Variants in WDR47 observed in about 807,000 individuals in gnomAD.
The protein encoded by WDR47 is WD repeat-containing protein 47.
In WDR47, 32 loss-of-function variants were observed where a neutral mutation model predicts 97.2. The ratio of observed to expected loss-of-function variants is 0.33; its 90% CI spans 0.25 to 0.44. The LOEUF is 0.44. Among genes scored for constraint, WDR47 ranks in the 20% least tolerant of loss-of-function variants. WDR47 has a pLI of 1.00. For missense variants in WDR47, 782 were observed against 1,102.3 expected (o/e 0.71, Z 4.11); for synonymous variants, 375 against 373.5 (o/e 1.00, Z -0.05).
chr1:108,994,561 T>C (rs1348818214), intron 8 of WDR47, among the ~76,000 whole-genome samples: 1 of 151,816 alleles, frequency 6.6e-6, no homozygotes, highest in African/African-American at 2.4e-5. Flanking sequence ...CTAGGCAACA[T>C]AGTGAGATCC....
chr1:108,985,909 C>T (rs1658753809), intron 10 of WDR47, among the ~76,000 whole-genome samples: 1 of 151,216 alleles, frequency 6.6e-6, no homozygotes, highest in Non-Finnish European at 1.5e-5. Flanking sequence ...ATTATATTCC[C>T]TTTCCCAATC....
In WDR47 at chr1:108,995,669, A is replaced by T. The variant is rs757207807; in HGVS notation, c.1602T>A (p.Asp534Glu). The change falls in exon 8 of 15, where the codon GAT (aspartate) becomes GAA (glutamate). Residue 534 changes from aspartate to glutamate, a missense_variant. Physicochemically the swap from Asp to Glu is conservative, Grantham distance 45. Transcript: ENST00000369962. Reference protein sequence around the residue: ...PQDSSQRLTHDASNIHTSTPR... With the variant: ...PQDSSQRLTHEASNIHTSTPR... Reference sequence around the variant, plus strand: ...GAGTGCTTGTATGAATATTTGAAGCATCATGTGTTAATCTCTGACTAGAGT... The same window carrying T: ...GAGTGCTTGTATGAATATTTGAAGCTTCATGTGTTAATCTCTGACTAGAGT... 3.1e-6 allele frequency: 5 copies of T among 1,614,160 alleles called. No individual in the cohort carries two copies. In the East Asian group the frequency reaches 1.1e-4, roughly 36 times the overall value.
chr1:108,983,157 T>C (rs1209020722), intron 11 of WDR47, 125 bp downstream of exon 11: 5 of 1,025,654 alleles, frequency 4.9e-6, no homozygotes, highest in African/African-American at 1.7e-5. Context: ...ATTAGAATTA[T>C]TGAAAAAATT....
chr1:109,021,226 C>T (rs1661814656), intron 2 of WDR47, among the ~76,000 whole-genome samples: 1 of 151,946 alleles, frequency 6.6e-6, no homozygotes, highest in Admixed American at 6.6e-5. Context: ...GGAAATAATC[C>T]AATATATAGA....
At chr1:109,039,000 A>G (rs898013196) in intron 1 of WDR47, among the ~76,000 whole-genome samples, 1 of 151,948 alleles carries the variant, frequency 6.6e-6, no homozygotes, top group Non-Finnish European at 1.5e-5. Flanking sequence ...ATAATAATAA[A>G]TAAATAAATA....
Position 109,013,870 on chromosome 1 carries a change from CGTT to C in WDR47, c.295_297del (p.Asn99del). 6.2e-7 allele frequency: 1 copy of C among 1,613,478 alleles called. No individual in the cohort carries two copies. On this transcript the variant is annotated inframe_deletion, in exon 4 of 15. Transcript: ENST00000369962. ...TGGGGCTCATCTTCTGCTGACATCG[CGTT>C]GTTAACACATAAAGCTTCTAAAAAC...
At chr1:108,997,792 A>AGGAAAGG (rs1659877357) in intron 7 of WDR47, among the ~76,000 whole-genome samples, 1 of 150,514 alleles carries the variant, frequency 6.6e-6, no homozygotes, top group South Asian at 2.1e-4. Context: ...AAGGAAGGAA[A>AGGAAAGG]GGAAAGGGGA....
At chr1:108,985,891 T>C (rs1658751989) in intron 10 of WDR47, among the ~76,000 whole-genome samples, 1 of 151,608 alleles carries the variant, frequency 6.6e-6, no homozygotes, top group African/African-American at 2.4e-5. Context: ...TCAATTAACA[T>C]GGACCTTATT....
intron 10 of WDR47, among the ~76,000 whole-genome samples, chr1:108,983,839 A>G (rs1658548251): frequency 6.6e-6 from 1 of 152,214 alleles, no homozygotes; most frequent in African/African-American, 2.4e-5. Flanking sequence ...CATAATAAAC[A>G]TGTAATAAAC....
chr1:109,004,641 G>T lies in WDR47; in HGVS notation c.1205C>A (p.Pro402His), dbSNP rs748563049. Residue 402 changes from proline (P) to histidine (H), a missense_variant, in exon 6 of 15, where the codon CCT (proline) becomes CAT (histidine). Pro to His is a moderately conservative substitution (Grantham distance 77). Transcript: ENST00000369962. ...TCCTGGATTCTGTGCTCCATTTGCAGGCTCTTTTTCTGAAACTGAACTCTG... is the reference window on the plus strand; with the variant it reads ...TCCTGGATTCTGTGCTCCATTTGCATGCTCTTTTTCTGAAACTGAACTCTG... The part of the protein sequence containing the change: ...LGQSSVSEKE[P>H]ANGAQNPGPA... 1.9e-6 allele frequency: 3 copies of T among 1,613,460 alleles called. No homozygotes were observed. The highest frequency in any genetic ancestry group is 2.5e-6 in the Non-Finnish European group (3 of 1,179,778).
At chr1:109,031,795 CTTTTTTTT>C (rs56318868) in intron 1 of WDR47, among the ~76,000 whole-genome samples, 1 of 78,370 alleles carries the variant, frequency 1.3e-5, no homozygotes, top group Non-Finnish European at 2.7e-5. Context: ...ATCTTTCTTT[CTTTTTTTT>C]TTTTTTTTTT....
intron 4 of WDR47, among the ~76,000 whole-genome samples, chr1:109,012,177 A>G (rs1010638346): frequency 6.6e-6 from 1 of 152,130 alleles, no homozygotes; most frequent in African/African-American, 2.4e-5. Flanking sequence ...AAGCATGCCA[A>G]TGTTCAATTG....
At position 108,992,734 on chromosome 1, in the gene WDR47, G is replaced by A. The variant is rs913172074; in HGVS notation, c.1692-1405C>T. The A allele has an allele frequency of 9.7e-4, 1,540 of 1,593,166 alleles. 2 individuals are homozygous for A. The highest frequency in any genetic ancestry group is 1.2e-3 in the Non-Finnish European group (1,430 of 1,176,474). On this transcript the variant is annotated intron_variant, in intron 8 of 14. Transcript: ENST00000369962. The stretch of plus-strand genomic sequence containing the variant: ...CCTGCCACATTGAGATGATCCTTAC[G>A]GAAAAGGAACAGATTGTTCCTAAAC...
intron 5 of WDR47, among the ~76,000 whole-genome samples, chr1:109,007,204 C>T (rs916629611): frequency 2.2e-5 from 3 of 134,818 alleles, no homozygotes; most frequent in African/African-American, 5.5e-5. Context: ...GCCTGAAATA[C>T]ATTTTAAATG....
At chr1:108,994,939 G>GC (rs909276932) in intron 8 of WDR47, among the ~76,000 whole-genome samples, 19 of 152,136 alleles carry the variant, frequency 1.2e-4, no homozygotes, top group Non-Finnish European at 4.4e-5. Flanking sequence ...AGTGCCAAAA[G>GC]CAAGTTATAC....
intron 14 of WDR47, among the ~76,000 whole-genome samples, chr1:108,972,331 T>C (rs1657510857): frequency 6.6e-6 from 1 of 152,044 alleles, no homozygotes; most frequent in African/African-American, 2.4e-5. Context: ...ACCTGAACTA[T>C]TCCAACAGCC....
rs1178219421 is a variant in WDR47, at chr1:108,974,026, T to G, written c.2617+510A>C. Reference sequence around the variant, plus strand: ...CTGCGCAACATGGCAAAATTTTGTCTCTACAGAAGATACAAATATTAGCCA... The same window carrying G: ...CTGCGCAACATGGCAAAATTTTGTCGCTACAGAAGATACAAATATTAGCCA... On this transcript the variant is annotated intron_variant, in intron 14 of 14. Transcript: ENST00000369962. Among the ~76,000 whole-genome samples, 5 of 152,106 alleles carry G rather than the reference T, an allele frequency of 3.3e-5. No homozygotes were observed. In the South Asian group the frequency reaches 1.0e-3, roughly 32 times the overall value.
chr1:108,983,424 C>T lies in WDR47; in HGVS notation c.1953G>A (p.Val651=), dbSNP rs769331299. 9 of 1,601,674 alleles carry T rather than the reference C, an allele frequency of 5.6e-6. No individual in the cohort carries two copies. The highest frequency in any genetic ancestry group is 7.7e-6 in the Non-Finnish European group (9 of 1,174,020). ...PSAHETPKQP[V]VRFKRNKHHK... is the part of the protein sequence containing the mutation. ...GATGTTTATTCCTTTTAAAACGTAC[C>T]ACCGGCTGCTTAGGAGTCTCATGTG... is the stretch of plus-strand genomic sequence containing the variant. Residue 651 remains valine, a synonymous_variant, in exon 11 of 15, where the codon GTG becomes GTA. Coordinates refer to ENST00000369962, the MANE Select transcript of WDR47 (RefSeq NM_001142551.2).
At chr1:109,030,618 A>AAAG (rs1662555700) in intron 1 of WDR47, among the ~76,000 whole-genome samples, 1 of 141,620 alleles carries the variant, frequency 7.1e-6, no homozygotes, top group Non-Finnish European at 1.6e-5. Flanking sequence ...TCTTCCAAGT[A>AAAG]TTACAGAGTG....
Sources: gnomAD v4.1 joint callset for allele counts (sites outside exome capture counted in the v4.1 genomes callset) on GRCh38, gnomAD v4.1.1 for gene constraint, MANE v1.5 for transcripts, NCBI Gene and HGNC (gene_info 2026-07-23, HGNC 2026-07-21) for gene names.